The following TTC39C variants were observed in gnomAD, a reference collection of about 807,000 sequenced individuals.
TTC39C encodes tetratricopeptide repeat protein 39C.
In TTC39C, 33 loss-of-function variants were observed where a neutral mutation model predicts 76.3. That is an observed-to-expected ratio of 0.43 (90% CI 0.33 to 0.58). The LOEUF (loss-of-function observed/expected upper bound fraction) is 0.58, where lower values mean the gene tolerates loss of function less well. Among genes scored for constraint, TTC39C ranks in the 20% least tolerant of loss-of-function variants. TTC39C has a pLI of 0.04. For synonymous variants in TTC39C, 254 were observed against 260.6 expected (o/e 0.97, Z 0.24); for missense variants, 595 against 701.4 (o/e 0.85, Z 1.71).
intron 7 of TTC39C, among the ~76,000 whole-genome samples, chr18:24,115,637 T>TG (rs1423135217): frequency 1.4e-4 from 22 of 152,154 alleles, no homozygotes; most frequent in Admixed American, 1.4e-3. Context: ...CCTGTCAGTT[T>TG]GGGGGGTCAG....
chr18:24,044,763 A>T (rs999720381), intron 1 of TTC39C, among the ~76,000 whole-genome samples: 1 of 152,194 alleles, frequency 6.6e-6, no homozygotes, highest in African/African-American at 2.4e-5. Flanking sequence ...AAGAATTCTT[A>T]ATTTCAGGTA....
At position 24,110,739 on chromosome 18, in the gene TTC39C, G is replaced by T. The variant is rs1272652276; in HGVS notation, c.985-3815G>T. Among the ~76,000 whole-genome samples the T allele has an allele frequency of 3.9e-5, 6 of 152,198 alleles. No homozygotes were observed. The East Asian group carries it at 1.2e-3, about 29-fold the overall frequency. The stretch of plus-strand genomic sequence containing the variant: ...AATGCCATGGCTGCCGATTATGCTG[G>T]TGTGAATTTGTCAATAAACATGCCC... On this transcript the variant is annotated intron_variant, in intron 6 of 13. Coordinates refer to ENST00000317571, the MANE Select transcript of TTC39C (RefSeq NM_001135993.2).
At chr18:24,099,284 G>A (rs1302561420) in intron 6 of TTC39C, 1 of 151,642 alleles carries the variant, frequency 6.6e-6, no homozygotes, top group African/African-American at 2.4e-5. Flanking sequence ...ACCATGTCCT[G>A]GTTCATAGAT....
chr18:24,132,366 T>C, intron 13 of TTC39C, 119 bp from the exon 14 acceptor site: 1 of 734,870 alleles, frequency 1.4e-6, no homozygotes, highest in Non-Finnish European at 2.1e-6. Context: ...ATGGGAAACC[T>C]TTACTGGGAG....
At chr18:24,022,676 G>A in intron 1 of TTC39C, 1 of 985,462 alleles carries the variant, frequency 1.0e-6, no homozygotes, top group Non-Finnish European at 1.2e-6. Context: ...CTTCAGGGGA[G>A]ATGTCACCCC....
intron 8 of TTC39C, among the ~76,000 whole-genome samples, chr18:24,119,806 G>A (rs2084941676): frequency 6.6e-6 from 1 of 152,216 alleles, no homozygotes; most frequent in East Asian, 1.9e-4. Flanking sequence ...GATGAATCCA[G>A]ATTGAATAGC....
chr18:24,048,998 CAA>C (rs1390544108), intron 1 of TTC39C, among the ~76,000 whole-genome samples: 3 of 152,044 alleles, frequency 2.0e-5, no homozygotes, highest in Admixed American at 6.5e-5. Context: ...TTGGCCAACT[CAA>C]GAGAAAATTT....
chr18:24,101,336 T>C (rs974276550), intron 6 of TTC39C, among the ~76,000 whole-genome samples: 15 of 147,856 alleles, frequency 1.0e-4, no homozygotes, highest in African/African-American at 3.5e-4. Flanking sequence ...GGCTGGGCAC[T>C]GTGGCTCACG....
At chr18:24,092,127 A>AATAATAATAATC (rs1568434593) in intron 6 of TTC39C, among the ~76,000 whole-genome samples, 9 of 132,534 alleles carry the variant, frequency 6.8e-5, no homozygotes, top group Non-Finnish European at 1.1e-4. Flanking sequence ...AAAAAAAAAT[A>AATAATAATAATC]ATAATAATAG....
At chr18:24,122,577 CAT>C (rs567482919) in intron 8 of TTC39C, among the ~76,000 whole-genome samples, 3 of 146,584 alleles carry the variant, frequency 2.0e-5, no homozygotes, top group Non-Finnish European at 4.5e-5. Context: ...TGAAAAACCA[CAT>C]GTGATCTAAC....
chr18:24,080,823 G>T lies in TTC39C; in HGVS notation c.699G>T (p.Val233=), dbSNP rs746739170. ...YGLFHLCISM[V]PPNLLKIINL... ...TTTTTCACCTTTGCATATCCATGGT[G>T]CCCCCAAACCTGCTCAAAATCATCA... The change falls in exon 5 of 14, where the codon GTG becomes GTT. Residue 233 remains valine (V), a synonymous_variant. Transcript: ENST00000317571. The T allele has an allele frequency of 6.2e-7, 1 of 1,614,096 alleles. No individual in the cohort carries two copies. Among genetic ancestry groups the T allele is most frequent in the Admixed American group, 1.7e-5 (1 of 60,014 alleles).
intron 1 of TTC39C, among the ~76,000 whole-genome samples, chr18:24,038,115 G>A (rs1017078525): frequency 4.7e-4 from 72 of 152,236 alleles, no homozygotes; most frequent in African/African-American, 1.7e-3. Context: ...TTTGTTTAAA[G>A]TCGAGTCCTC....
chr18:24,121,604 A>C (rs370420066), intron 8 of TTC39C, among the ~76,000 whole-genome samples: 31 of 152,282 alleles, frequency 2.0e-4, no homozygotes, highest in African/African-American at 7.5e-4. Context: ...CTATAATTTT[A>C]CTGCAAGAGA....
At chr18:24,022,618 G>T (rs1028296175) in intron 1 of TTC39C, 1 of 985,274 alleles carries the variant, frequency 1.0e-6, no homozygotes, top group African/African-American at 1.7e-5. Flanking sequence ...TATGCAGATT[G>T]CACTCTGACA....
Position 24,066,023 on chromosome 18 carries a change from G to T in TTC39C, c.228G>T (p.Met76Ile). 2 of 1,586,862 alleles carry T rather than the reference G, an allele frequency of 1.3e-6. No individual in the cohort carries two copies. The highest frequency in any genetic ancestry group is 2.3e-5 in the South Asian group (2 of 85,762). Residue 76 changes from methionine (M) to isoleucine (I), a missense_variant, in exon 3 of 14, where the codon ATG becomes ATT. Coordinates refer to ENST00000317571, the MANE Select transcript of TTC39C (RefSeq NM_001135993.2). ...ASFVSFLNAM[M>I]TFEEEKMQLA... ...TTCTTTCTTGGAAGAATGCCATGAT[G>T]ACATTTGAGGAAGAAAAAATGCAGT...
At chr18:24,097,738 A>G (rs1209662395) in intron 6 of TTC39C, among the ~76,000 whole-genome samples, 2 of 152,222 alleles carry the variant, frequency 1.3e-5, no homozygotes, top group East Asian at 1.9e-4. Context: ...AATTATTCCT[A>G]TAAACTTTTT....
chr18:24,110,995 T>A (rs1006701051), intron 6 of TTC39C, among the ~76,000 whole-genome samples: 1 of 95,612 alleles, frequency 1.0e-5, no homozygotes, highest in Non-Finnish European at 2.5e-5. Flanking sequence ...AGAGAAAGAC[T>A]TTTTTTTTTT....
At chr18:24,040,288 C>T (rs180996068) in intron 1 of TTC39C, among the ~76,000 whole-genome samples, 5 of 152,222 alleles carry the variant, frequency 3.3e-5, no homozygotes, top group Admixed American at 1.3e-4. Context: ...TTGCGTAAGC[C>T]GCATCTATAA....
At chr18:24,096,303 A>G (rs564285114) in intron 6 of TTC39C, among the ~76,000 whole-genome samples, 1 of 152,336 alleles carries the variant, frequency 6.6e-6, no homozygotes, top group Admixed American at 6.5e-5. Flanking sequence ...TATTTCTTAT[A>G]TATTTGTCCA....
Sources: allele counts gnomAD v4.1 joint callset (sites outside exome capture counted in the v4.1 genomes callset), GRCh38; gene constraint gnomAD v4.1.1; transcripts MANE v1.5; gene names NCBI Gene and HGNC (gene_info 2026-07-23, HGNC 2026-07-21).